Variants in ANTXR2 observed in about 807,000 individuals in gnomAD.
ANTXR2 encodes anthrax toxin receptor 2.
In ANTXR2, 44 loss-of-function variants were observed where a neutral mutation model predicts 73.7. The ratio of observed to expected loss-of-function variants is 0.60; its 90% CI spans 0.47 to 0.77. The LOEUF is 0.77. Ranked by LOEUF, ANTXR2 falls within the 30% of genes least tolerant of loss-of-function variation. ANTXR2 has a pLI of 0.00. For synonymous variants in ANTXR2, 217 were observed against 205.9 expected (o/e 1.05, Z -0.46); for missense variants, 604 against 592.5 (o/e 1.02, Z -0.20).
At chr4:79,979,348 A>T (rs539184528) in intron 14 of ANTXR2, among the ~76,000 whole-genome samples, 2 of 152,174 alleles carry the variant, frequency 1.3e-5, no homozygotes, top group South Asian at 4.1e-4. Context: ...AAAAACCTAT[A>T]ATAAGAGCTA....
intron 16 of ANTXR2, among the ~76,000 whole-genome samples, chr4:79,955,597 T>C (rs1427357726): frequency 1.3e-5 from 2 of 152,196 alleles, no homozygotes; most frequent in Non-Finnish European, 1.5e-5. Flanking sequence ...AATACCCTTA[T>C]GAGCATAGGA....
intron 11 of ANTXR2, 88 bp downstream of exon 11, chr4:80,018,810 T>C: frequency 9.7e-7 from 1 of 1,030,438 alleles, no homozygotes. Context: ...TCTCCTTTAT[T>C]GTAGTATGCA....
intron 7 of ANTXR2, among the ~76,000 whole-genome samples, chr4:80,050,497 T>C (rs1733724043): frequency 6.6e-6 from 1 of 151,732 alleles, no homozygotes; most frequent in Non-Finnish European, 1.5e-5. Flanking sequence ...CATGCCTAGC[T>C]TTCTACCAAA....
intron 3 of ANTXR2, among the ~76,000 whole-genome samples, chr4:80,058,195 G>A (rs1406494889): frequency 6.6e-6 from 1 of 151,998 alleles, no homozygotes; most frequent in Non-Finnish European, 1.5e-5. Context: ...GACAACACCA[G>A]CACAAGACTT....
At chr4:79,973,847 T>C (rs1415616985) in intron 16 of ANTXR2, among the ~76,000 whole-genome samples, 4 of 152,186 alleles carry the variant, frequency 2.6e-5, no homozygotes, top group African/African-American at 9.7e-5. Flanking sequence ...GGTCATATGC[T>C]GATAACTACA....
intron 12 of ANTXR2, among the ~76,000 whole-genome samples, chr4:79,986,380 T>C (rs898059580): frequency 6.6e-6 from 1 of 152,216 alleles, no homozygotes; most frequent in Non-Finnish European, 1.5e-5. Flanking sequence ...GTTCCACTTT[T>C]ACCTCATCAA....
At chr4:80,049,253 A>AT (rs1192649523) in intron 7 of ANTXR2, among the ~76,000 whole-genome samples, 1 of 151,598 alleles carries the variant, frequency 6.6e-6, no homozygotes, top group African/African-American at 2.4e-5. Context: ...GTTTTCTTTT[A>AT]TTTTTAATGT....
chr4:80,020,254 C>T (rs1008285504), intron 10 of ANTXR2, among the ~76,000 whole-genome samples: 3 of 152,038 alleles, frequency 2.0e-5, no homozygotes, highest in Admixed American at 2.0e-4. Context: ...GGCATGGTGG[C>T]ATGTGCCTAT....
At position 79,977,934 on chromosome 4, in the gene ANTXR2, G is replaced by A; in HGVS notation, c.1347+73C>T. On this transcript the variant is annotated intron_variant, in intron 15 of 16. Transcript: ENST00000403729. ...ATCTACCCTCTTTCAAGTAGCTGGGGGGATGTGGTACAAAAAAAGTTACAA... is the reference window on the plus strand; with the variant it reads ...ATCTACCCTCTTTCAAGTAGCTGGGAGGATGTGGTACAAAAAAAGTTACAA... The A allele has an allele frequency of 1.2e-5, 18 of 1,467,232 alleles. 2 individuals are homozygous for A. The South Asian group carries it at 2.4e-4, about 20-fold the overall frequency. The allele number at this position is 1,467,232 out of a possible 1,614,324, so 90.9% of individuals were successfully genotyped here. A position where few individuals can be genotyped will look rare whatever the true frequency, so the allele number is the denominator to read the frequency against.
chr4:80,050,571 A>G (rs1267023643), intron 7 of ANTXR2, among the ~76,000 whole-genome samples: 3 of 151,672 alleles, frequency 2.0e-5, no homozygotes, highest in Non-Finnish European at 2.9e-5. Flanking sequence ...TAATTTAAAA[A>G]ATAAAACAAC....
intron 16 of ANTXR2, among the ~76,000 whole-genome samples, chr4:79,910,973 A>G (rs1727109609): frequency 8.6e-6 from 1 of 115,844 alleles, no homozygotes; most frequent in African/African-American, 3.1e-5. Flanking sequence ...TCCGCTTACC[A>G]GAAAATTCTA....
intron 12 of ANTXR2, among the ~76,000 whole-genome samples, chr4:80,007,537 T>C (rs1731364779): frequency 6.6e-6 from 1 of 152,164 alleles, no homozygotes; most frequent in African/African-American, 2.4e-5. Context: ...TTTGCAGAAG[T>C]GATTAAGGTT....
At chr4:80,066,866 T>C (rs1364318506) in intron 3 of ANTXR2, among the ~76,000 whole-genome samples, 1 of 152,206 alleles carries the variant, frequency 6.6e-6, no homozygotes, top group Non-Finnish European at 1.5e-5. Flanking sequence ...TTTGGTCTAG[T>C]GACTCTTAGC....
intron 12 of ANTXR2, among the ~76,000 whole-genome samples, chr4:80,003,366 A>T (rs947259334): frequency 7.3e-6 from 1 of 136,436 alleles, no homozygotes; most frequent in Non-Finnish European, 1.6e-5. Context: ...AACAATGAGA[A>T]CACATGGACA....
At chr4:79,950,465 C>G (rs982326528) in intron 16 of ANTXR2, among the ~76,000 whole-genome samples, 1 of 152,152 alleles carries the variant, frequency 6.6e-6, no homozygotes, top group African/African-American at 2.4e-5. Context: ...TTAATAGCTT[C>G]AAAACATTTC....
At chr4:80,072,292 C>T in intron 1 of ANTXR2, 117 bp downstream of exon 1, 1 of 1,182,502 alleles carries the variant, frequency 8.5e-7, no homozygotes, top group Non-Finnish European at 1.1e-6. Flanking sequence ...CAACAGGGCA[C>T]CCCTCCGCGG....
chr4:80,040,735 C>T (rs183881142), intron 7 of ANTXR2, among the ~76,000 whole-genome samples: 153 of 130,808 alleles, frequency 1.2e-3, no homozygotes, highest in Non-Finnish European at 1.9e-3. Context: ...GGGATATATA[C>T]GCATGCATAG....
intron 10 of ANTXR2, among the ~76,000 whole-genome samples, chr4:80,031,015 A>C (rs762278303): frequency 6.6e-6 from 1 of 151,816 alleles, no homozygotes; most frequent in Non-Finnish European, 1.5e-5. Context: ...TTCAAATAAG[A>C]CTCCTTCATC....
chr4:80,038,954 A>C (rs1309107734), intron 7 of ANTXR2, among the ~76,000 whole-genome samples: 1 of 152,116 alleles, frequency 6.6e-6, no homozygotes, highest in Non-Finnish European at 1.5e-5. Context: ...GAATTATACT[A>C]TACAGCACAT....
Sources: gnomAD v4.1 joint callset for allele counts (sites outside exome capture counted in the v4.1 genomes callset) on GRCh38, gnomAD v4.1.1 for gene constraint, MANE v1.5 for transcripts, NCBI Gene and HGNC (gene_info 2026-07-23, HGNC 2026-07-21) for gene names.